Variants in SLC13A3 observed in about 807,000 individuals in gnomAD.
SLC13A3 encodes Na(+)/dicarboxylate cotransporter 3.
SLC13A3 carries 40 observed loss-of-function variants against 59.0 expected under a neutral mutation model. The ratio of observed to expected loss-of-function variants is 0.68; its 90% CI spans 0.53 to 0.88. SLC13A3 has a LOEUF of 0.88. Among genes scored for constraint, SLC13A3 ranks in the 40% least tolerant of loss-of-function variants. The probability of loss-of-function intolerance (pLI) is 0.00; values close to 1 mark genes in which losing one functional copy is unlikely to be tolerated. For missense variants in SLC13A3, 699 were observed against 783.2 expected (o/e 0.89, Z 1.28); for synonymous variants, 317 against 330.3 (o/e 0.96, Z 0.44).
Position 46,589,190 on chromosome 20 carries a change from C to A in SLC13A3, c.986G>T (p.Arg329Leu), listed in dbSNP as rs200657221. 1 of 1,614,196 alleles carries A rather than the reference C, an allele frequency of 6.2e-7. No individual in the cohort carries two copies. The highest frequency in any genetic ancestry group is 8.5e-7 in the Non-Finnish European group (1 of 1,180,030). Residue 329 changes from arginine (R) to leucine (L), a missense_variant, in exon 7 of 13, where the codon CGG (arginine) becomes CTG (leucine). Coordinates refer to ENST00000279027, the MANE Select transcript of SLC13A3 (RefSeq NM_022829.6). ...GGGCCCCAGGTTCTGGTATTCTTCC[C>A]GAATTACAGCTCGAGCCCTATCTTC... Reference protein sequence around the residue: ...NAEDRARAVIREEYQNLGPIK... With the variant: ...NAEDRARAVILEEYQNLGPIK...
chr20:46,638,475 G>A (rs563487576), intron 1 of SLC13A3, among the ~76,000 whole-genome samples: 58 of 152,376 alleles, frequency 3.8e-4, no homozygotes, highest in Middle Eastern at 6.8e-3. Context: ...TCCCTAGCAA[G>A]GGAAAGGCGG....
chr20:46,620,903 G>T lies in SLC13A3; in HGVS notation c.112-7178C>A, dbSNP rs139848048. On this transcript the variant is annotated intron_variant, in intron 1 of 12. Transcript: ENST00000279027. Reference sequence around the variant, plus strand: ...GGAAATTTTAAACAAATGGGATCAAGATCCTGAAGCATTTCTTCTAAGAAT... The same window carrying T: ...GGAAATTTTAAACAAATGGGATCAATATCCTGAAGCATTTCTTCTAAGAAT... 3.5e-4 allele frequency among the ~76,000 whole-genome samples: 53 copies of T among 152,244 alleles called. No individual in the cohort carries two copies. The South Asian group carries it at 6.4e-3, about 18-fold the overall frequency.
At chr20:46,663,219 G>A (rs1468578440) in intron 1 of SLC13A3, among the ~76,000 whole-genome samples, 1 of 152,154 alleles carries the variant, frequency 6.6e-6, no homozygotes. Flanking sequence ...TGAGGCAGGA[G>A]GACCGTTTGA....
intron 1 of SLC13A3, among the ~76,000 whole-genome samples, chr20:46,656,608 A>G (rs1369382355): frequency 2.0e-5 from 3 of 147,142 alleles, no homozygotes; most frequent in Admixed American, 1.4e-4. Context: ...GATATATACT[A>G]TAGTGTATAT....
intron 8 of SLC13A3, among the ~76,000 whole-genome samples, chr20:46,584,785 C>T (rs1439030236): frequency 2.0e-5 from 3 of 152,122 alleles, no homozygotes; most frequent in Admixed American, 6.5e-5. Flanking sequence ...AGGAATTTAA[C>T]CTTGAGAAAC....
intron 1 of SLC13A3, among the ~76,000 whole-genome samples, chr20:46,615,586 G>A (rs994319275): frequency 1.7e-4 from 26 of 152,232 alleles, no homozygotes; most frequent in Non-Finnish European, 3.2e-4. Flanking sequence ...TTGGCTGATA[G>A]ATCTGTTGTG....
At position 46,596,264 on chromosome 20, in the gene SLC13A3, G is replaced by A. The variant is rs2062311592; in HGVS notation, c.687C>T (p.Asn229=). The A allele has an allele frequency of 6.2e-7, 1 of 1,614,186 alleles. No homozygotes were observed. Among genetic ancestry groups the A allele is most frequent in the Non-Finnish European group, 8.5e-7 (1 of 1,180,032 alleles). The change falls in exon 5 of 13, where the codon AAC becomes AAT. Residue 229 remains asparagine, a synonymous_variant. Transcript: ENST00000279027. ...DSRKEDEYRR[N]IWKGFLISIP... Reference sequence around the variant, plus strand: ...TGGAGATGAGGAAGCCCTTCCAGATGTTCCGACGATATTCATCCTCCTTCC... The same window carrying A: ...TGGAGATGAGGAAGCCCTTCCAGATATTCCGACGATATTCATCCTCCTTCC...
At chr20:46,597,611 A>G (rs2062327438) in intron 4 of SLC13A3, among the ~76,000 whole-genome samples, 1 of 151,964 alleles carries the variant, frequency 6.6e-6, no homozygotes, top group Non-Finnish European at 1.5e-5. Context: ...TAATTTTTGT[A>G]TTTTTAGTAG....
Position 46,610,306 on chromosome 20 carries a change from T to G in SLC13A3, c.541+140A>C, listed in dbSNP as rs1457846715. On this transcript the variant is annotated intron_variant, in intron 3 of 12. Coordinates refer to ENST00000279027, the MANE Select transcript of SLC13A3 (RefSeq NM_022829.6). ...GATTTCTTATCTAATTATCAGTCAT[T>G]GTCATAACTAAAACACCTGACGCAT... 36 of 797,566 alleles carry G rather than the reference T, an allele frequency of 4.5e-5. No individual in the cohort carries two copies. The South Asian group carries it at 4.8e-4, about 11-fold the overall frequency. The allele number at this position is 797,566 out of a possible 1,614,324, so 49.4% of individuals were successfully genotyped here. A position where few individuals can be genotyped will look rare whatever the true frequency, so the allele number is the denominator to read the frequency against.
intron 1 of SLC13A3, among the ~76,000 whole-genome samples, chr20:46,618,220 C>G (rs934672439): frequency 6.6e-6 from 1 of 151,816 alleles, no homozygotes; most frequent in African/African-American, 2.4e-5. Context: ...TGTAGTCCAC[C>G]CCTCTACTAG....
intron 10 of SLC13A3, 152 bp downstream of exon 10, chr20:46,575,421 G>A: frequency 4.1e-6 from 2 of 490,662 alleles, no homozygotes; most frequent in Non-Finnish European, 7.3e-6. Context: ...AATGAACTAT[G>A]ATCATCTCAG....
At chr20:46,667,325 C>T (rs958287462) in intron 1 of SLC13A3, among the ~76,000 whole-genome samples, 1 of 152,212 alleles carries the variant, frequency 6.6e-6, no homozygotes, top group African/African-American at 2.4e-5. Flanking sequence ...ATCAAAGGAA[C>T]TCTGGTCCAT....
chr20:46,659,296 T>C (rs1433452254), intron 1 of SLC13A3, among the ~76,000 whole-genome samples: 1 of 152,260 alleles, frequency 6.6e-6, no homozygotes, highest in Admixed American at 6.5e-5. Flanking sequence ...TTTTATTTCC[T>C]CTATTAATTT....
At chr20:46,572,425 G>A (rs1168013217) in intron 10 of SLC13A3, among the ~76,000 whole-genome samples, 1 of 152,172 alleles carries the variant, frequency 6.6e-6, no homozygotes, top group Non-Finnish European at 1.5e-5. Flanking sequence ...TCAGAGCCAG[G>A]GTGGCCTCTC....
rs948055580 is a variant in SLC13A3 at position 46,630,138 on chromosome 20, C to T, written c.112-16413G>A. ...CCTCTCCTCTAAGCAAGGGGGAGCC[C>T]CTTACTCAATGCGAAGACCCAAGAC... On this transcript the variant is annotated intron_variant, in intron 1 of 12. Coordinates refer to ENST00000279027, the MANE Select transcript of SLC13A3 (RefSeq NM_022829.6). Among the ~76,000 whole-genome samples, 5 of 152,168 alleles carry T rather than the reference C, an allele frequency of 3.3e-5. No individual in the cohort carries two copies. In the East Asian group the frequency reaches 9.6e-4, roughly 29 times the overall value.
chr20:46,575,511 TG>T, intron 10 of SLC13A3, 61 bp downstream of exon 10: 1 of 993,250 alleles, frequency 1.0e-6, no homozygotes, highest in African/African-American at 1.6e-5. Context: ...CAGCCAGCAC[TG>T]GGACCCGCCC....
At chr20:46,648,346 G>A (rs925886671) in intron 1 of SLC13A3, among the ~76,000 whole-genome samples, 2 of 152,064 alleles carry the variant, frequency 1.3e-5, no homozygotes, top group Non-Finnish European at 2.9e-5. Context: ...TGAGAAACAC[G>A]TCTGTTCTTA....
chr20:46,614,086 C>G (rs540045042), intron 1 of SLC13A3, among the ~76,000 whole-genome samples: 1 of 152,274 alleles, frequency 6.6e-6, no homozygotes, highest in South Asian at 2.1e-4. Flanking sequence ...CCAGGAGGTT[C>G]TGGAAGGACA....
chr20:46,585,716 T>A, intron 8 of SLC13A3: 1 of 1,299,428 alleles, frequency 7.7e-7, no homozygotes. Context: ...TCTGTATTGT[T>A]GAAATGCTTA....
Sources: gnomAD v4.1 joint callset for allele counts (sites outside exome capture counted in the v4.1 genomes callset) on GRCh38, gnomAD v4.1.1 for gene constraint, MANE v1.5 for transcripts, NCBI Gene and HGNC (gene_info 2026-07-23, HGNC 2026-07-21) for gene names.